The following SLC12A3 variants were observed in gnomAD, a reference collection of about 807,000 sequenced individuals.
SLC12A3 encodes Na-Cl cotransporter.
In SLC12A3, 104 loss-of-function variants were observed where a neutral mutation model predicts 121.0. The observed-to-expected ratio is 0.86, with a 90% CI of 0.73 to 1.01. SLC12A3 has a LOEUF of 1.01. Among genes scored for constraint, SLC12A3 ranks in the 50% least tolerant of loss-of-function variants. The pLI, the probability that SLC12A3 is intolerant of heterozygous loss-of-function variation, is 0.00. For synonymous variants in SLC12A3, 536 were observed against 533.4 expected, an observed-to-expected ratio of 1.00 and a Z score of -0.07; for missense variants, 1,328 against 1,356.3, an observed-to-expected ratio of 0.98 and a Z score of 0.33.
At chr16:56,886,224 G>T (rs2055308398) in intron 15 of SLC12A3, 140 bp from the exon 16 acceptor site, 7 of 634,704 alleles carry the variant, frequency 1.1e-5, no homozygotes, top group Non-Finnish European at 1.7e-5. Flanking sequence ...GGATTTATAG[G>T]TGGGAAGCCG....
intron 1 of SLC12A3, among the ~76,000 whole-genome samples, chr16:56,865,916 C>G (rs866617280): frequency 6.6e-6 from 1 of 152,164 alleles, no homozygotes; most frequent in African/African-American, 2.4e-5. Flanking sequence ...ATTGTCATGA[C>G]CCCTGTCTGG....
intron 25 of SLC12A3, chr16:56,907,169 CT>C: frequency 6.1e-6 from 1 of 163,218 alleles, no homozygotes; most frequent in Non-Finnish European, 1.3e-5. Flanking sequence ...TAGAAACGTG[CT>C]TGGGGCTGGG....
rs758595807 is a variant in SLC12A3, at chr16:56,869,726, C to T, written c.506-3C>T. The T allele has an allele frequency of 2.1e-5, 34 of 1,613,636 alleles. No homozygotes were observed. In the South Asian group the frequency reaches 3.4e-4, roughly 16 times the overall value. On this transcript the variant is annotated splice_region_variant and splice_polypyrimidine_tract_variant and intron_variant, in intron 3 of 25. Coordinates refer to ENST00000563236, the MANE Select transcript of SLC12A3 (RefSeq NM_001126108.2). ...CTGCCTAAGCTTTGGGTGCCCCCTG[C>T]AGTCCTGACCTGGATCATCATCCTG...
chr16:56,878,778 G>T (rs572492598), intron 9 of SLC12A3, among the ~76,000 whole-genome samples: 2 of 152,242 alleles, frequency 1.3e-5, no homozygotes, highest in Non-Finnish European at 2.9e-5. Flanking sequence ...AGCCACTCGA[G>T]GCTTGAGATC....
At chr16:56,894,805 A>AG (rs1157543940) in intron 22 of SLC12A3, among the ~76,000 whole-genome samples, 163 bp downstream of exon 22, 2 of 152,270 alleles carry the variant, frequency 1.3e-5, no homozygotes, top group East Asian at 3.9e-4. Flanking sequence ...GGCAGTGGGC[A>AG]GGAGCAGGAG....
At chr16:56,912,260 G>T (rs964543830) in intron 25 of SLC12A3, among the ~76,000 whole-genome samples, 1 of 152,240 alleles carries the variant, frequency 6.6e-6, no homozygotes, top group Non-Finnish European at 1.5e-5. Flanking sequence ...CTGGAGCCCA[G>T]AGCTGGGCAG....
intron 12 of SLC12A3, 67 bp downstream of exon 12, chr16:56,880,320 G>A: frequency 6.5e-7 from 1 of 1,528,674 alleles, no homozygotes; most frequent in Non-Finnish European, 8.8e-7. Context: ...AGGGTCTTGG[G>A]GGCCGGGCTC....
chr16:56,870,498 G>C, intron 5 of SLC12A3, 128 bp from the exon 6 acceptor site: 1 of 783,906 alleles, frequency 1.3e-6, no homozygotes, highest in Non-Finnish European at 2.2e-6. Context: ...TCGATGGCAG[G>C]GGTGGTGCTT....
intron 22 of SLC12A3, among the ~76,000 whole-genome samples, chr16:56,895,240 A>G (rs1473016405): frequency 7.2e-6 from 1 of 139,694 alleles, no homozygotes; most frequent in Non-Finnish European, 1.5e-5. Context: ...CACCCAGGCT[A>G]GAGTGCAGTG....
At chr16:56,870,317 T>C (rs2055076499) in intron 5 of SLC12A3, 82 bp downstream of exon 5, 2 of 1,431,356 alleles carry the variant, frequency 1.4e-6, no homozygotes, top group Admixed American at 4.0e-5. Flanking sequence ...GGCTGGGGCC[T>C]CCTGCTGCTC....
chr16:56,913,318 G>C lies in SLC12A3; in HGVS notation c.2979G>C (p.Trp993Cys). ...GCCCCAGCTCGCTGTACATGGCCTG[G>C]CTGGAGACCCTGTCCCAGGACCTCA... ...GKCPSSLYMA[W>C]LETLSQDLRP... The change falls in exon 26 of 26, where the codon TGG becomes TGC. Residue 993 changes from tryptophan to cysteine, a missense_variant. By Grantham distance (215) the Trp-to-Cys change is radical (BLOSUM62 -2). Coordinates refer to ENST00000563236, the MANE Select transcript of SLC12A3 (RefSeq NM_001126108.2). 6.2e-7 allele frequency: 1 copy of C among 1,614,188 alleles called. No individual in the cohort carries two copies. The highest frequency in any genetic ancestry group is 8.5e-7 in the Non-Finnish European group (1 of 1,180,014).
chr16:56,893,143 A>C, intron 21 of SLC12A3, 89 bp downstream of exon 21: 1 of 1,087,224 alleles, frequency 9.2e-7, no homozygotes, highest in Non-Finnish European at 1.4e-6. Flanking sequence ...CCTGCTCTCA[A>C]AGGGGACAGG....
chr16:56,914,255 G>A lies in SLC12A3; in HGVS notation c.*850G>A, dbSNP rs2055724394. 1 of 152,200 alleles carries A rather than the reference G, an allele frequency of 6.6e-6. No individual in the cohort carries two copies. The highest frequency in any genetic ancestry group is 2.1e-4 in the South Asian group (1 of 4,836). The allele number at this position is 152,200 out of a possible 1,614,324, so 9.4% of individuals were successfully genotyped here. On this transcript the variant is annotated 3_prime_UTR_variant, in exon 26 of 26. Coordinates refer to ENST00000563236, the MANE Select transcript of SLC12A3 (RefSeq NM_001126108.2). ...TTCTCACTCCCGTCACTTTCAATAA[G>A]GGGTCTTTGATGTCTTCACTGGTTC...
chr16:56,909,586 C>T (rs2055656747), intron 25 of SLC12A3, among the ~76,000 whole-genome samples: 1 of 152,106 alleles, frequency 6.6e-6, no homozygotes, highest in African/African-American at 2.4e-5. Context: ...CCAAAGAGGC[C>T]CCAGCTATTG....
At chr16:56,889,275 C>G (rs74021831) in intron 18 of SLC12A3, among the ~76,000 whole-genome samples, 2,035 of 152,272 alleles carry the variant, frequency 0.013, 34 homozygotes, top group African/African-American at 0.044. Context: ...CTCCAGCCTC[C>G]CTCCAGCTCC....
At chr16:56,897,704 A>G (rs1269392793) in intron 22 of SLC12A3, among the ~76,000 whole-genome samples, 1 of 152,138 alleles carries the variant, frequency 6.6e-6, no homozygotes, top group Non-Finnish European at 1.5e-5. Flanking sequence ...GGTATAGCTC[A>G]AGGCTATGGA....
At chr16:56,895,765 A>C (rs1480248665) in intron 22 of SLC12A3, among the ~76,000 whole-genome samples, 1 of 152,112 alleles carries the variant, frequency 6.6e-6, no homozygotes, top group East Asian at 1.9e-4. Flanking sequence ...TTATGATTAC[A>C]TGGTAACATA....
At position 56,867,225 on chromosome 16, in the gene SLC12A3, G is replaced by C. The variant is rs375425173; in HGVS notation, c.429+9G>C. 1 of 1,601,854 alleles carries C rather than the reference G, an allele frequency of 6.2e-7. No individual in the cohort carries two copies. The highest frequency in any genetic ancestry group is 1.1e-5 in the South Asian group (1 of 89,444). Reference sequence around the variant, plus strand: ...GGGTCAAGGGGGTGATGGTGAGTGGGGTGTGGGTGGTGCGTGATGTCCAGA... The same window carrying C: ...GGGTCAAGGGGGTGATGGTGAGTGGCGTGTGGGTGGTGCGTGATGTCCAGA... On this transcript the variant is annotated intron_variant, in intron 2 of 25. Transcript: ENST00000563236.
At chr16:56,877,806 T>TGG (rs1318372225) in intron 8 of SLC12A3, among the ~76,000 whole-genome samples, 1 of 152,242 alleles carries the variant, frequency 6.6e-6, no homozygotes, top group Admixed American at 6.5e-5. Flanking sequence ...TTCTTCTCTC[T>TGG]GCCTCCATTT....
Sources: gnomAD v4.1 joint callset for allele counts (sites outside exome capture counted in the v4.1 genomes callset) on GRCh38, gnomAD v4.1.1 for gene constraint, MANE v1.5 for transcripts, NCBI Gene and HGNC (gene_info 2026-07-23, HGNC 2026-07-21) for gene names.